Variants in DOCK6 observed in about 807,000 individuals in gnomAD.
DOCK6 encodes the protein dedicator of cytokinesis protein 6.
DOCK6 carries 167 observed loss-of-function variants against 230.3 expected under a neutral mutation model. That is an observed-to-expected ratio of 0.73 (90% CI 0.64 to 0.82). The LOEUF (loss-of-function observed/expected upper bound fraction) is 0.82. DOCK6 is among the 40% of genes least tolerant of loss of function. DOCK6 has a pLI of 0.00. For missense variants in DOCK6, 2,598 were observed against 2,825.8 expected, an observed-to-expected ratio of 0.92 and a Z score of 1.83; for synonymous variants, 1,148 against 1,185.0, an observed-to-expected ratio of 0.97 and a Z score of 0.64.
intron 5 of DOCK6, 43 bp from the exon 6 acceptor site, chr19:11,251,129 C>A (rs1383177807): frequency 2.6e-6 from 4 of 1,546,520 alleles, no homozygotes; most frequent in Non-Finnish European, 3.5e-6. Flanking sequence ...CAGCTGTATA[C>A]ACCTTCACCT....
intron 14 of DOCK6, chr19:11,239,944 G>A (rs372031853): frequency 4.8e-5 from 76 of 1,573,552 alleles, no homozygotes; most frequent in Non-Finnish European, 5.4e-5. Context: ...GGTGGGCACC[G>A]TAGCTGCGAC....
Position 11,201,695 on chromosome 19 carries a change from A to G in DOCK6, c.5688+194T>C, listed in dbSNP as rs138395096. Reference sequence around the variant, plus strand: ...CTGGGGTCCCTGCATCTTGCCTCCCAGGTCTCCCTGGGTCTGGTCTCCTCC... The same window carrying G: ...CTGGGGTCCCTGCATCTTGCCTCCCGGGTCTCCCTGGGTCTGGTCTCCTCC... On this transcript the variant is annotated intron_variant, in intron 44 of 47. Transcript: ENST00000294618. The surrounding 1 kb of genome is among the most constrained non-coding windows in gnomAD (Gnocchi z 4.3). 7.3e-3 allele frequency among the ~76,000 whole-genome samples: 1,091 copies of G among 149,636 alleles called. 14 individuals carry two copies. The highest frequency in any genetic ancestry group is 0.025 in the African/African-American group (999 of 40,524).
chr19:11,245,915 A>G (rs1041082898), intron 7 of DOCK6, 37 bp from the exon 8 acceptor site: 2 of 1,550,950 alleles, frequency 1.3e-6, no homozygotes, highest in Admixed American at 2.0e-5. Context: ...TCTCCTTAAC[A>G]CTTCCCGCTG....
intron 1 of DOCK6, among the ~76,000 whole-genome samples, chr19:11,259,438 G>T (rs1034538218): frequency 1.6e-4 from 23 of 144,468 alleles, no homozygotes; most frequent in African/African-American, 6.2e-4. Flanking sequence ...GGATGGGGGA[G>T]AGAGAGAGAG....
chr19:11,211,885 G>T lies in DOCK6; in HGVS notation c.4651-9C>A. The T allele has an allele frequency of 6.4e-7, 1 of 1,554,956 alleles. No individual in the cohort carries two copies. The highest frequency in any genetic ancestry group is 2.4e-5 in the East Asian group (1 of 41,378). Reference sequence around the variant, plus strand: ...AACATCAGGTCCTGGACCTGGAGCCGGGGAACGTCCAGGGGCCAATGAGAG... The same window carrying T: ...AACATCAGGTCCTGGACCTGGAGCCTGGGAACGTCCAGGGGCCAATGAGAG... On this transcript the variant is annotated splice_polypyrimidine_tract_variant and intron_variant, in intron 36 of 47. Transcript: ENST00000294618.
At position 11,236,312 on chromosome 19, in the gene DOCK6, G is replaced by A; in HGVS notation, c.2392+34C>T. 1 of 1,515,424 alleles carries A rather than the reference G, an allele frequency of 6.6e-7. No individual in the cohort carries two copies. Among genetic ancestry groups the A allele is most frequent in the Non-Finnish European group, 8.9e-7 (1 of 1,119,356 alleles). 93.9% of individuals were successfully genotyped at this position (1,515,424 alleles called of 1,614,324 possible). ...CTCAGGACTGAGAAGCCATGTGGAT[G>A]GGGAAACTGAGGTCTGAGGCCACAT... On this transcript the variant is annotated intron_variant, in intron 20 of 47. Transcript: ENST00000294618. The surrounding 1 kb of genome is among the most constrained non-coding windows in gnomAD (Gnocchi z 5.2).
At chr19:11,210,521 T>C (rs2079362027) in intron 37 of DOCK6, among the ~76,000 whole-genome samples, 1 of 123,320 alleles carries the variant, frequency 8.1e-6, no homozygotes. Flanking sequence ...CCCTCACCTG[T>C]CCATCCCTTC....
intron 39 of DOCK6, 91 bp from the exon 40 acceptor site, chr19:11,204,422 T>C (rs922270504): frequency 7.3e-5 from 111 of 1,519,592 alleles, no homozygotes; most frequent in Middle Eastern, 2.3e-4. Flanking sequence ...GCCTCCGTGC[T>C]CCTACCCACC....
At chr19:11,252,613 G>A (rs964922385) in intron 3 of DOCK6, 63 bp from the exon 4 acceptor site, 32 of 1,596,952 alleles carry the variant, frequency 2.0e-5, no homozygotes, top group Admixed American at 1.7e-4. Context: ...CTGCTAGCCT[G>A]TAAGGTTAGC....
chr19:11,242,233 C>G (rs781605421), intron 13 of DOCK6, 26 bp from the exon 14 acceptor site: 2 of 1,432,710 alleles, frequency 1.4e-6, no homozygotes, highest in Admixed American at 3.0e-5. Flanking sequence ...CCGGTTTGCA[C>G]CTGCCTGGGA....
At chr19:11,199,853 T>G (rs1354799525) in intron 47 of DOCK6, among the ~76,000 whole-genome samples, 5 of 152,222 alleles carry the variant, frequency 3.3e-5, no homozygotes, top group African/African-American at 4.8e-5. Context: ...TATGCAAAAT[T>G]GAAGCCACCG....
In DOCK6 at chr19:11,236,030, G is replaced by A. The variant is rs907566727; in HGVS notation, c.2393-271C>T. On this transcript the variant is annotated intron_variant, in intron 20 of 47. Coordinates refer to ENST00000294618, the MANE Select transcript of DOCK6 (RefSeq NM_020812.4). The surrounding 1 kb of genome is among the most constrained non-coding windows in gnomAD (Gnocchi z 5.2). ...CGAGTAGCTGGGATTACAGGCATGCGCCACCACGCCCAGCTAATTTTGTAT... is the reference window on the plus strand; with the variant it reads ...CGAGTAGCTGGGATTACAGGCATGCACCACCACGCCCAGCTAATTTTGTAT... 5.3e-5 allele frequency: 26 copies of A among 492,614 alleles called. No homozygotes were observed. Among genetic ancestry groups the A allele is most frequent in the Middle Eastern group, 1.1e-3 (2 of 1,824 alleles). The allele number at this position is 492,614 out of a possible 1,614,324, so 30.5% of individuals were successfully genotyped here.
intron 2 of DOCK6, 52 bp downstream of exon 2, chr19:11,253,587 C>T: frequency 1.6e-6 from 2 of 1,219,128 alleles, no homozygotes; most frequent in East Asian, 3.1e-5. Context: ...GAAGCCCCTA[C>T]CTCTGTCTGA....
chr19:11,239,675 C>T (rs1254309234), intron 14 of DOCK6: 1 of 1,613,754 alleles, frequency 6.2e-7, no homozygotes, highest in South Asian at 1.1e-5. Context: ...TGGGCCCTGG[C>T]AATGGTGACC....
chr19:11,218,226 G>A (rs2079525318), intron 28 of DOCK6, among the ~76,000 whole-genome samples: 1 of 151,560 alleles, frequency 6.6e-6, no homozygotes, highest in South Asian at 2.1e-4. Flanking sequence ...GGCCCACTGC[G>A]ACCTCTGCCT....
chr19:11,254,311 A>G (rs550378828), intron 1 of DOCK6, among the ~76,000 whole-genome samples: 5 of 152,352 alleles, frequency 3.3e-5, no homozygotes, highest in Admixed American at 1.3e-4. Flanking sequence ...TGCGGGGCCC[A>G]GAGCTGGGAG....
chr19:11,251,386 A>G (rs2080115589), intron 5 of DOCK6: 1 of 316,306 alleles, frequency 3.2e-6, no homozygotes. Flanking sequence ...ACTGGCTCCA[A>G]GGGCCTGGGC....
At position 11,252,227 on chromosome 19, in the gene DOCK6, T is replaced by A. The variant is rs1301138499; in HGVS notation, c.399A>T (p.Ala133=). Residue 133 remains alanine (A), a synonymous_variant, in exon 5 of 48, where the codon GCA becomes GCT. Transcript: ENST00000294618. Reference sequence around the variant, plus strand: ...GTGTGTCTGTGGTGACGGGGCTGTATGCTGCACTCAGGTACTGATACCTAG... The same window carrying A: ...GTGTGTCTGTGGTGACGGGGCTGTAAGCTGCACTCAGGTACTGATACCTAG... ...VHRRYQYLSA[A]YSPVTTDTQR... The A allele has an allele frequency of 6.3e-7, 1 of 1,584,598 alleles. No individual in the cohort carries two copies. The highest frequency in any genetic ancestry group is 8.6e-7 in the Non-Finnish European group (1 of 1,165,526).
At position 11,201,642 on chromosome 19, in the gene DOCK6, G is replaced by C. The variant is rs1421835271; in HGVS notation, c.5688+247C>G. 6.6e-6 allele frequency among the ~76,000 whole-genome samples: 1 copy of C among 151,650 alleles called. No individual in the cohort carries two copies. Among genetic ancestry groups the C allele is most frequent in the African/African-American group, 2.4e-5 (1 of 41,238 alleles). On this transcript the variant is annotated intron_variant, in intron 44 of 47. Coordinates refer to ENST00000294618, the MANE Select transcript of DOCK6 (RefSeq NM_020812.4). The surrounding 1 kb of genome is among the most constrained non-coding windows in gnomAD (Gnocchi z 4.3). ...GGGCTCCCTCTGCCTCCTCTTTCTG[G>C]GTCTGGAATCCCTGGGCCACCCTGG... is the stretch of plus-strand genomic sequence containing the variant.
Sources: gnomAD v4.1 joint callset for allele counts (sites outside exome capture counted in the v4.1 genomes callset) on GRCh38, gnomAD v4.1.1 for gene constraint, Gnocchi (gnomAD v3.1) non-coding constraint, MANE v1.5 for transcripts, NCBI Gene and HGNC (gene_info 2026-07-23, HGNC 2026-07-21) for gene names.